The following TMEM161B variants were observed in gnomAD, a reference collection of about 807,000 sequenced individuals.
TMEM161B encodes transmembrane protein 161B.
In TMEM161B, 34 loss-of-function variants were observed where a neutral mutation model predicts 61.8. The ratio of observed to expected loss-of-function variants is 0.55; its 90% CI spans 0.42 to 0.73. The LOEUF is 0.73. Among genes scored for constraint, TMEM161B ranks in the 30% least tolerant of loss-of-function variants. The probability of loss-of-function intolerance (pLI) is 0.00; values close to 1 mark genes in which losing one functional copy is unlikely to be tolerated. For missense variants in TMEM161B, 456 were observed against 558.5 expected (o/e 0.82, Z 1.85); for synonymous variants, 167 against 192.8 (o/e 0.87, Z 1.11).
chr5:88,262,844 T>C (rs141586591), intron 1 of TMEM161B, among the ~76,000 whole-genome samples: 11 of 152,278 alleles, frequency 7.2e-5, no homozygotes, highest in African/African-American at 2.4e-4. Flanking sequence ...GCAGGGAATA[T>C]CTAGGAAATC....
intron 9 of TMEM161B, chr5:88,202,261 C>T (rs367809952): frequency 2.9e-6 from 1 of 345,358 alleles, no homozygotes; most frequent in Non-Finnish European, 5.8e-6. Flanking sequence ...GCTAACAGAT[C>T]AAGTCTAGTT....
intron 2 of TMEM161B, among the ~76,000 whole-genome samples, chr5:88,238,231 T>C (rs1265073981): frequency 6.6e-6 from 1 of 151,964 alleles, no homozygotes; most frequent in Non-Finnish European, 1.5e-5. Context: ...TCCAGAAATA[T>C]GGAGGGCGAA....
At chr5:88,216,984 C>T (rs1747973797) in intron 5 of TMEM161B, among the ~76,000 whole-genome samples, 1 of 152,150 alleles carries the variant, frequency 6.6e-6, no homozygotes, top group Non-Finnish European at 1.5e-5. Context: ...AAGAAGAAAG[C>T]CAATTCATTC....
rs1211315935 is a variant in TMEM161B, at chr5:88,203,797, AT to A, written c.801-723del. On this transcript the variant is annotated intron_variant, in intron 8 of 11. Transcript: ENST00000296595. ...TATATATATATATATATATATATATATATATATATATATATATAATTTGCAT... is the reference window on the plus strand; with the variant it reads ...TATATATATATATATATATATATATAATATATATATATATATAATTTGCAT... Among the ~76,000 whole-genome samples the A allele has an allele frequency of 2.0e-3, 77 of 38,076 alleles. 1 individual carries two copies. The highest frequency in any genetic ancestry group is 8.3e-3 in the South Asian group (10 of 1,212). 25.0% of individuals were successfully genotyped at this position (38,076 alleles called of 152,430 possible).
At chr5:88,265,062 T>G (rs1212521609) in intron 1 of TMEM161B, among the ~76,000 whole-genome samples, 1 of 152,160 alleles carries the variant, frequency 6.6e-6, no homozygotes, top group East Asian at 1.9e-4. Flanking sequence ...GTAACAAACC[T>G]GTATGTTCCG....
intron 1 of TMEM161B, among the ~76,000 whole-genome samples, chr5:88,265,468 T>A (rs533292689): frequency 6.6e-6 from 1 of 152,140 alleles, no homozygotes; most frequent in African/African-American, 2.4e-5. Flanking sequence ...TGCGCTCCTA[T>A]GAGAATATAA....
Position 88,268,814 on chromosome 5 carries a change from T to C in TMEM161B, c.-91A>G, listed in dbSNP as rs1469963544. ...TCCCGGTCCTTGAGCCGAGAGACTC[T>C]CAAACAGCGAAAGAGAGGGTCTTCC... On this transcript the variant is annotated 5_prime_UTR_variant, in exon 1 of 12. Coordinates refer to ENST00000296595, the MANE Select transcript of TMEM161B (RefSeq NM_153354.5). 9 of 1,598,628 alleles carry C rather than the reference T, an allele frequency of 5.6e-6. No homozygotes were observed. In the East Asian group the frequency reaches 2.0e-4, roughly 36 times the overall value.
intron 1 of TMEM161B, among the ~76,000 whole-genome samples, chr5:88,258,101 T>C (rs1221039130): frequency 3.9e-5 from 6 of 152,188 alleles, no homozygotes; most frequent in African/African-American, 1.4e-4. Flanking sequence ...CAGTAAATGT[T>C]AGTTGAAATC....
intron 2 of TMEM161B, among the ~76,000 whole-genome samples, chr5:88,236,372 C>G (rs1751854111): frequency 6.6e-6 from 1 of 152,094 alleles, no homozygotes; most frequent in South Asian, 2.1e-4. Flanking sequence ...TATCCTACTC[C>G]TCATGCAAAA....
At chr5:88,209,718 G>GT (rs1746308378) in intron 5 of TMEM161B, among the ~76,000 whole-genome samples, 1 of 151,976 alleles carries the variant, frequency 6.6e-6, no homozygotes, top group Admixed American at 6.6e-5. Flanking sequence ...CCAATAACCC[G>GT]TATGTAATAC....
intron 4 of TMEM161B, among the ~76,000 whole-genome samples, chr5:88,225,077 C>A (rs995370677): frequency 6.7e-6 from 1 of 149,806 alleles, no homozygotes; most frequent in Non-Finnish European, 1.5e-5. Context: ...ACGTCATTCT[C>A]CTGCCTCAGC....
chr5:88,191,826 G>A (rs1023746735), downstream of TMEM161B, among the ~76,000 whole-genome samples: 7 of 150,308 alleles, frequency 4.7e-5, no homozygotes, highest in South Asian at 2.1e-4. Context: ...TCATGGTGGC[G>A]GGCGCCTGTA....
At chr5:88,248,962 T>G (rs776361933) in intron 1 of TMEM161B, among the ~76,000 whole-genome samples, 8 of 152,098 alleles carry the variant, frequency 5.3e-5, no homozygotes, top group Non-Finnish European at 1.0e-4. Context: ...TAACTAAGAT[T>G]ATGACTTAAC....
chr5:88,261,870 G>A (rs1269436049), intron 1 of TMEM161B, among the ~76,000 whole-genome samples: 2 of 151,988 alleles, frequency 1.3e-5, no homozygotes, highest in African/African-American at 2.4e-5. Flanking sequence ...TGTGGACAAG[G>A]CAACAACTTT....
chr5:88,224,653 T>C (rs962233780), intron 4 of TMEM161B, among the ~76,000 whole-genome samples: 1 of 152,202 alleles, frequency 6.6e-6, no homozygotes, highest in African/African-American at 2.4e-5. Context: ...ACTCTAAATA[T>C]GGGTAATTCA....
At chr5:88,194,271 C>T (rs1471676663), downstream of TMEM161B, among the ~76,000 whole-genome samples, 1 of 152,068 alleles carries the variant, frequency 6.6e-6, no homozygotes, top group African/African-American at 2.4e-5. Context: ...TGAGTTAGTT[C>T]ACTTAGGATA....
intron 7 of TMEM161B, 109 bp from the exon 8 acceptor site, chr5:88,206,063 G>T: frequency 1.1e-6 from 1 of 928,630 alleles, no homozygotes; most frequent in Non-Finnish European, 1.6e-6. Flanking sequence ...GTAAAACAAA[G>T]CAAATTTCTA....
At chr5:88,216,621 A>G (rs1747895466) in intron 5 of TMEM161B, among the ~76,000 whole-genome samples, 2 of 152,192 alleles carry the variant, frequency 1.3e-5, no homozygotes, top group Non-Finnish European at 2.9e-5. Context: ...TCTAAACTAT[A>G]CCTAAATCAA....
intron 8 of TMEM161B, among the ~76,000 whole-genome samples, chr5:88,203,375 CTTCTA>C (rs1325010449): frequency 6.6e-6 from 1 of 151,996 alleles, no homozygotes; most frequent in Non-Finnish European, 1.5e-5. Context: ...GATTTGTTCA[CTTCTA>C]TTCTAGTATT....
Sources: allele counts gnomAD v4.1 joint callset (sites outside exome capture counted in the v4.1 genomes callset), GRCh38; gene constraint gnomAD v4.1.1; transcripts MANE v1.5; gene names NCBI Gene and HGNC (gene_info 2026-07-23, HGNC 2026-07-21).